The following GRID1 variants were observed in gnomAD, a reference collection of about 807,000 sequenced individuals.
GRID1 encodes glutamate receptor ionotropic, delta-1.
In GRID1, 28 loss-of-function variants were observed where a neutral mutation model predicts 98.0. The ratio of observed to expected loss-of-function variants is 0.29; its 90% CI spans 0.21 to 0.39. The LOEUF is 0.39. Among genes scored for constraint, GRID1 ranks in the 10% least tolerant of loss-of-function variants. GRID1 has a pLI of 1.00. For synonymous variants in GRID1, 553 were observed against 538.5 expected (o/e 1.03, Z -0.37); for missense variants, 1,111 against 1,340.5 (o/e 0.83, Z 2.67).
rs576703811 is a variant in GRID1, at chr10:86,064,614, A to G, written c.726+74205T>C. Among the ~76,000 whole-genome samples the G allele has an allele frequency of 2.6e-5, 4 of 152,286 alleles. No homozygotes were observed. In the East Asian group the frequency reaches 7.7e-4, roughly 29 times the overall value. ...AAAGCTGGCCATGCTGGAGTCAGAA[A>G]TCAAATCTAAACCTTCTCCAAGCTC... On this transcript the variant is annotated intron_variant, in intron 4 of 15. Coordinates refer to ENST00000327946, the MANE Select transcript of GRID1 (RefSeq NM_017551.3).
chr10:85,995,025 A>C (rs937706459), intron 4 of GRID1, among the ~76,000 whole-genome samples: 8 of 152,170 alleles, frequency 5.3e-5, no homozygotes, highest in Non-Finnish European at 1.0e-4. Flanking sequence ...AAAGGCACAT[A>C]GTTGAGTTTT....
At chr10:85,881,496 C>T (rs1412240769) in intron 5 of GRID1, among the ~76,000 whole-genome samples, 2 of 152,164 alleles carry the variant, frequency 1.3e-5, no homozygotes, top group Non-Finnish European at 2.9e-5. Flanking sequence ...TGATCTTTGA[C>T]AAACCTGACA....
At chr10:86,171,872 G>C (rs978021247) in intron 3 of GRID1, among the ~76,000 whole-genome samples, 2 of 152,154 alleles carry the variant, frequency 1.3e-5, no homozygotes, top group Admixed American at 1.3e-4. Flanking sequence ...CTTCCCTAAA[G>C]ATTTCAGCGA....
chr10:85,993,026 G>T (rs955021121), intron 4 of GRID1, among the ~76,000 whole-genome samples: 2 of 152,150 alleles, frequency 1.3e-5, no homozygotes, highest in African/African-American at 2.4e-5. Context: ...GGAAAGAAAT[G>T]GTTTGCAGGA....
chr10:86,138,706 T>A, intron 4 of GRID1, 113 bp downstream of exon 4: 3 of 785,802 alleles, frequency 3.8e-6, no homozygotes, highest in African/African-American at 1.7e-5. Flanking sequence ...CCTACGGGTC[T>A]CCATGTCCGT....
At chr10:85,968,135 C>A (rs924315037) in intron 4 of GRID1, among the ~76,000 whole-genome samples, 1 of 152,176 alleles carries the variant, frequency 6.6e-6, no homozygotes, top group Non-Finnish European at 1.5e-5. Flanking sequence ...ATTTTTGTAA[C>A]TCTGTCCTCC....
chr10:85,770,335 A>G (rs1842249297), intron 8 of GRID1, among the ~76,000 whole-genome samples: 1 of 152,168 alleles, frequency 6.6e-6, no homozygotes. Flanking sequence ...ATACATCACC[A>G]TCATCAAAGA....
chr10:86,300,646 T>C (rs1847672583), intron 2 of GRID1, among the ~76,000 whole-genome samples: 1 of 151,836 alleles, frequency 6.6e-6, no homozygotes. Context: ...GGCCTGGGAA[T>C]GGCAAAGACC....
In GRID1 at chr10:85,802,217, T is replaced by C. The variant is rs111237132; in HGVS notation, c.1233+52279A>G. On this transcript the variant is annotated intron_variant, in intron 8 of 15. Coordinates refer to ENST00000327946, the MANE Select transcript of GRID1 (RefSeq NM_017551.3). ...AAATGCTAATCAAAAAAGCAACATT[T>C]CACAAGGAACTTGGAGGGAATAAAG... is the stretch of plus-strand genomic sequence containing the variant. Among the ~76,000 whole-genome samples, 687 of 152,232 alleles carry C rather than the reference T, an allele frequency of 4.5e-3. 2 individuals are homozygous for C. The highest frequency in any genetic ancestry group is 0.015 in the African/African-American group (638 of 41,560).
At chr10:85,719,981 C>A (rs1841681838) in intron 12 of GRID1, among the ~76,000 whole-genome samples, 1 of 152,118 alleles carries the variant, frequency 6.6e-6, no homozygotes, top group South Asian at 2.1e-4. Flanking sequence ...GTGAAAGACC[C>A]TGTTTACATC....
intron 12 of GRID1, among the ~76,000 whole-genome samples, chr10:85,718,997 G>T (rs1481137604): frequency 1.3e-5 from 2 of 152,122 alleles, no homozygotes; most frequent in Non-Finnish European, 2.9e-5. Flanking sequence ...TGAATGCTTT[G>T]CTGCTTAGAA....
intron 4 of GRID1, among the ~76,000 whole-genome samples, chr10:86,107,309 G>A (rs1844405750): frequency 6.6e-6 from 1 of 152,220 alleles, no homozygotes; most frequent in African/African-American, 2.4e-5. Flanking sequence ...GGAGACCTTT[G>A]ACTGCTGGAG....
intron 4 of GRID1, among the ~76,000 whole-genome samples, chr10:86,122,368 G>A (rs1191733422): frequency 6.6e-6 from 1 of 152,222 alleles, no homozygotes; most frequent in East Asian, 1.9e-4. Context: ...CGGAGAAGCA[G>A]GATCATTCCC....
chr10:85,876,480 C>G (rs1843333147), intron 5 of GRID1, among the ~76,000 whole-genome samples: 1 of 152,182 alleles, frequency 6.6e-6, no homozygotes, highest in South Asian at 2.1e-4. Flanking sequence ...ATCGCCCCAT[C>G]TCAAGATCAT....
chr10:85,848,900 T>C (rs2056593988), intron 8 of GRID1, among the ~76,000 whole-genome samples: 1 of 152,212 alleles, frequency 6.6e-6, no homozygotes. Flanking sequence ...TGGAAGAATG[T>C]TAATCCATGA....
chr10:86,347,260 C>T lies in GRID1; in HGVS notation c.235+16681G>A, dbSNP rs1212012680. 3.3e-5 allele frequency among the ~76,000 whole-genome samples: 5 copies of T among 152,170 alleles called. No individual in the cohort carries two copies. The East Asian group carries it at 9.6e-4, about 29-fold the overall frequency. On this transcript the variant is annotated intron_variant, in intron 2 of 15. Transcript: ENST00000327946. ...CCAATCCCCCCTTAACGTGACAGGC[C>T]ACATTCCAAGTGCCTGTGGCAGAGA...
At chr10:85,864,383 T>C (rs940822020) in intron 6 of GRID1, among the ~76,000 whole-genome samples, 1 of 152,108 alleles carries the variant, frequency 6.6e-6, no homozygotes, top group Non-Finnish European at 1.5e-5. Context: ...GAGGCGACGG[T>C]GTGAAAGTGA....
rs74817668 is a variant in GRID1 at position 86,084,164 on chromosome 10, C to T, written c.726+54655G>A. On this transcript the variant is annotated intron_variant, in intron 4 of 15. Transcript: ENST00000327946. ...TAGTAGGTACACACACAAATGCAAT[C>T]GAGGGAAGCCTAGGGCACTGAAGGA... Among the ~76,000 whole-genome samples, 811 of 152,124 alleles carry T rather than the reference C, an allele frequency of 5.3e-3. 14 individuals carry two copies. The East Asian group carries it at 0.06, about 11-fold the overall frequency.
chr10:85,957,266 T>G (rs1245911456), intron 4 of GRID1, among the ~76,000 whole-genome samples: 3 of 152,216 alleles, frequency 2.0e-5, no homozygotes, highest in Admixed American at 6.5e-5. Context: ...AGCTGGGATG[T>G]GAGGCAGCTC....
Sources: gnomAD v4.1 joint callset for allele counts (sites outside exome capture counted in the v4.1 genomes callset) on GRCh38, gnomAD v4.1.1 for gene constraint, MANE v1.5 for transcripts, NCBI Gene and HGNC (gene_info 2026-07-23, HGNC 2026-07-21) for gene names.